Variants in ATG5 observed in about 807,000 individuals in gnomAD.
ATG5 encodes the protein autophagy related 5.
ATG5 carries 14 observed loss-of-function variants against 36.5 expected under a neutral mutation model. The ratio of observed to expected loss-of-function variants is 0.38; its 90% CI spans 0.25 to 0.60. ATG5 has a LOEUF of 0.60. Ranked by LOEUF, ATG5 falls within the 20% of genes least tolerant of loss-of-function variation. The probability of loss-of-function intolerance (pLI) is 0.60; values close to 1 mark genes in which losing one functional copy is unlikely to be tolerated. For missense variants in ATG5, 195 were observed against 326.7 expected (o/e 0.60, Z 3.11); for synonymous variants, 95 against 101.5 (o/e 0.94, Z 0.38).
intron 7 of ATG5, among the ~76,000 whole-genome samples, chr6:106,195,808 TAAAA>T (rs35892579): frequency 4.4e-5 from 4 of 91,340 alleles, no homozygotes; most frequent in Admixed American, 2.7e-4. Context: ...TGCTCCCCTC[TAAAA>T]AAAAAAAAAA....
chr6:106,236,217 T>G (rs1444490986), intron 6 of ATG5, among the ~76,000 whole-genome samples: 1 of 152,260 alleles, frequency 6.6e-6, no homozygotes, highest in Non-Finnish European at 1.5e-5. Flanking sequence ...AGGAATATAA[T>G]GCAATTGTTT....
At chr6:106,249,118 A>G (rs537918757) in intron 5 of ATG5, among the ~76,000 whole-genome samples, 44 of 152,318 alleles carry the variant, frequency 2.9e-4, no homozygotes, top group African/African-American at 1.0e-3. Context: ...TTTTTTAAAT[A>G]AACAACTTGA....
intron 7 of ATG5, among the ~76,000 whole-genome samples, chr6:106,186,987 C>A (rs1327762537): frequency 1.3e-5 from 2 of 152,054 alleles, no homozygotes; most frequent in Non-Finnish European, 2.9e-5. Flanking sequence ...GCCCATTGTA[C>A]CAATGACCAA....
At chr6:106,243,530 G>GGAA (rs761128910) in intron 6 of ATG5, among the ~76,000 whole-genome samples, 3,442 of 133,346 alleles carry the variant, frequency 0.026, 60 homozygotes, top group Middle Eastern at 0.051. Flanking sequence ...CCTCTCTGGG[G>GGAA]AAAAAAAAAA....
Position 106,305,984 on chromosome 6 carries a change from A to C in ATG5, c.236+2380T>G, listed in dbSNP as rs561032567. ...GAGTACTTAAAAACACTAAAGGAAA[A>C]GATGCATCAAAAGTCATATAGCTAC... On this transcript the variant is annotated intron_variant, in intron 3 of 7. Coordinates refer to ENST00000369076, the MANE Select transcript of ATG5 (RefSeq NM_004849.4). 5.3e-5 allele frequency among the ~76,000 whole-genome samples: 8 copies of C among 152,340 alleles called. 1 individual carries two copies. In the South Asian group the frequency reaches 1.7e-3, roughly 32 times the overall value.
intron 5 of ATG5, among the ~76,000 whole-genome samples, chr6:106,265,866 T>C (rs897409243): frequency 6.6e-6 from 1 of 152,190 alleles, no homozygotes; most frequent in Non-Finnish European, 1.5e-5. Context: ...GGGAAATTTA[T>C]AGCACTAAAT....
chr6:106,251,994 T>A (rs1322208874), intron 5 of ATG5, among the ~76,000 whole-genome samples: 1 of 151,902 alleles, frequency 6.6e-6, no homozygotes, highest in Non-Finnish European at 1.5e-5. Flanking sequence ...GCATGCATCA[T>A]CACGCCCGGC....
chr6:106,249,209 A>G (rs953977651), intron 5 of ATG5, among the ~76,000 whole-genome samples: 8 of 152,246 alleles, frequency 5.3e-5, no homozygotes, highest in African/African-American at 1.9e-4. Flanking sequence ...AGTTCAGAAC[A>G]TTTTCAGCAT....
At chr6:106,245,172 G>A (rs1778279843) in intron 6 of ATG5, among the ~76,000 whole-genome samples, 1 of 152,178 alleles carries the variant, frequency 6.6e-6, no homozygotes, top group South Asian at 2.1e-4. Flanking sequence ...AACATCTCTA[G>A]ATGGCTTTTG....
intron 5 of ATG5, among the ~76,000 whole-genome samples, chr6:106,267,855 A>C (rs558934551): frequency 6.6e-6 from 1 of 152,198 alleles, no homozygotes; most frequent in East Asian, 1.9e-4. Context: ...GGATAAAAAG[A>C]CTTAAATGTC....
intron 6 of ATG5, among the ~76,000 whole-genome samples, chr6:106,227,819 C>G (rs1046760809): frequency 1.3e-5 from 2 of 152,126 alleles, no homozygotes; most frequent in Admixed American, 1.3e-4. Flanking sequence ...AAACTGATGA[C>G]TGAAATACAG....
intron 5 of ATG5, among the ~76,000 whole-genome samples, chr6:106,275,597 A>C (rs1779611937): frequency 6.6e-6 from 1 of 152,240 alleles, no homozygotes; most frequent in African/African-American, 2.4e-5. Context: ...TTAATTTAAT[A>C]AAATTTAATA....
intron 5 of ATG5, among the ~76,000 whole-genome samples, chr6:106,251,108 T>C (rs763191691): frequency 1.3e-5 from 2 of 152,208 alleles, no homozygotes; most frequent in Non-Finnish European, 2.9e-5. Context: ...CGCTTGCCCT[T>C]ATCAACATCT....
intron 5 of ATG5, among the ~76,000 whole-genome samples, chr6:106,279,379 G>A (rs897728070): frequency 6.6e-6 from 1 of 152,220 alleles, no homozygotes; most frequent in South Asian, 2.1e-4. Flanking sequence ...CACATCCTTA[G>A]AGTAATGGCA....
At chr6:106,261,068 G>A (rs1438841392) in intron 5 of ATG5, among the ~76,000 whole-genome samples, 2 of 152,136 alleles carry the variant, frequency 1.3e-5, no homozygotes, top group Non-Finnish European at 2.9e-5. Flanking sequence ...AGGTAATAAA[G>A]GAATGGAACA....
chr6:106,290,040 T>C (rs1161407517), intron 4 of ATG5, among the ~76,000 whole-genome samples: 2 of 147,394 alleles, frequency 1.4e-5, no homozygotes, highest in African/African-American at 2.4e-5. Context: ...ATTATTATTT[T>C]GAGACAGAGT....
chr6:106,280,042 TG>T (rs1204371732), intron 4 of ATG5, among the ~76,000 whole-genome samples: 2 of 151,754 alleles, frequency 1.3e-5, no homozygotes, highest in Admixed American at 6.6e-5. Flanking sequence ...TATAACAACA[TG>T]AAAAAAAGGC....
At chr6:106,278,904 T>C (rs1008021435) in intron 5 of ATG5, among the ~76,000 whole-genome samples, 1 of 152,182 alleles carries the variant, frequency 6.6e-6, no homozygotes, top group African/African-American at 2.4e-5. Flanking sequence ...ATGTAATGAT[T>C]CCTGGACTAA....
intron 6 of ATG5, among the ~76,000 whole-genome samples, chr6:106,216,898 CAAAT>C (rs139339589): frequency 8.1e-4 from 123 of 151,242 alleles, no homozygotes; most frequent in African/African-American, 2.7e-3. Flanking sequence ...AATAAATAAA[CAAAT>C]AAATAAATAA....
Sources: gnomAD v4.1 joint callset for allele counts (sites outside exome capture counted in the v4.1 genomes callset) on GRCh38, gnomAD v4.1.1 for gene constraint, MANE v1.5 for transcripts, NCBI Gene and HGNC (gene_info 2026-07-23, HGNC 2026-07-21) for gene names.